Variants in TOR1AIP2 observed in about 807,000 individuals in gnomAD.
TOR1AIP2 encodes torsin 1A interacting protein 2.
Under a neutral mutation model 32.6 loss-of-function variants are expected in TOR1AIP2, and 20 were observed. The ratio of observed to expected loss-of-function variants is 0.61; its 90% CI spans 0.43 to 0.89. The LOEUF is 0.89. TOR1AIP2 is among the 40% of genes least tolerant of loss of function. The pLI, the probability that TOR1AIP2 is intolerant of heterozygous loss-of-function variation, is 0.00. For missense variants in TOR1AIP2, 456 were observed against 553.8 expected (o/e 0.82, Z 1.77); for synonymous variants, 214 against 210.8 (o/e 1.02, Z -0.13).
At chr1:179,853,755 AG>A (rs1242536681) in intron 3 of TOR1AIP2, among the ~76,000 whole-genome samples, 1 of 152,220 alleles carries the variant, frequency 6.6e-6, no homozygotes, top group Non-Finnish European at 1.5e-5. Context: ...GTGTATAGTA[AG>A]AACTCCATAT....
intron 3 of TOR1AIP2, 158 bp downstream of exon 3, chr1:179,865,278 A>T: frequency 7.1e-7 from 1 of 1,409,228 alleles, no homozygotes; most frequent in Non-Finnish European, 9.5e-7. Context: ...TTCGTTTACC[A>T]ATTTCTTAGT....
At chr1:179,871,849 TGA>T (rs1445347299) in intron 2 of TOR1AIP2, among the ~76,000 whole-genome samples, 2 of 152,220 alleles carry the variant, frequency 1.3e-5, no homozygotes, top group African/African-American at 4.8e-5. Context: ...CCTTAGATAA[TGA>T]GAGATTAAGG....
chr1:179,844,699 T>A lies in TOR1AIP2; in HGVS notation c.*1372A>T, dbSNP rs904278178. On this transcript the variant is annotated 3_prime_UTR_variant, in exon 7 of 7. Coordinates refer to ENST00000609928, the MANE Select transcript of TOR1AIP2 (RefSeq NM_001199260.2). ...CATTTCTGCTTCCTCTCACTAAGTA[T>A]AACATCTCTTAGATTTCTCTAATTT... 9 of 152,220 alleles carry A rather than the reference T, an allele frequency of 5.9e-5. No individual in the cohort carries two copies. Among genetic ancestry groups the A allele is most frequent in the Admixed American group, 2.6e-4 (4 of 15,284 alleles). 9.4% of individuals were successfully genotyped at this position (152,220 alleles called of 1,614,324 possible).
rs749304864 is a variant in TOR1AIP2, at chr1:179,840,895, A to AATAATAATAATAATAATAAT, written c.*5156_*5175dup. On this transcript the variant is annotated 3_prime_UTR_variant, in exon 7 of 7. Transcript: ENST00000609928. ...TGTATCCCAGAACTTAAACTATAAT[A>AATAATAATAATAATAATAAT]ATAATAATAATAATAATAATAAAGA... is the stretch of plus-strand genomic sequence containing the variant. The AATAATAATAATAATAATAAT allele has an allele frequency of 4.5e-5, 6 of 132,384 alleles. No individual in the cohort carries two copies. Among genetic ancestry groups the AATAATAATAATAATAATAAT allele is most frequent in the African/African-American group, 1.3e-4 (5 of 39,282 alleles). The allele number at this position is 132,384 out of a possible 1,614,324, so 8.2% of individuals were successfully genotyped here.
chr1:179,850,204 G>A (rs2148427286), intron 5 of TOR1AIP2, among the ~76,000 whole-genome samples: 1 of 151,816 alleles, frequency 6.6e-6, no homozygotes, highest in East Asian at 1.9e-4. Context: ...TTTTCCCAAG[G>A]TCTCCCAAGT....
rs1373177223 is a variant in TOR1AIP2 at position 179,846,491 on chromosome 1, A to G, written c.993T>C (p.Asp331=). The change falls in exon 7 of 7, where the codon GAT becomes GAC. Residue 331 remains aspartate, a synonymous_variant. Transcript: ENST00000609928. ...TGTCCTGCCAGGTCCTTCCAGCCCC[A>G]TCAATCTGAATGGGAGAGACTTTCT... ...SSQKVSPIQI[D]GAGRTWQDSD... is the part of the protein sequence containing the mutation. 1.2e-6 allele frequency: 2 copies of G among 1,614,138 alleles called. No homozygotes were observed. Among genetic ancestry groups the G allele is most frequent in the East Asian group, 2.2e-5 (1 of 44,882 alleles).
intron 3 of TOR1AIP2, chr1:179,861,532 C>T: frequency 1.0e-6 from 1 of 984,992 alleles, no homozygotes; most frequent in Non-Finnish European, 1.2e-6. Flanking sequence ...ATTTTTCTTG[C>T]CCATATATTC....
chr1:179,871,913 A>AT (rs1697025380), intron 2 of TOR1AIP2, among the ~76,000 whole-genome samples: 1 of 152,202 alleles, frequency 6.6e-6, no homozygotes, highest in Non-Finnish European at 1.5e-5. Flanking sequence ...ATCTAAAATA[A>AT]TTTTTTGTTG....
At chr1:179,850,378 A>G (rs1479927392) in intron 5 of TOR1AIP2, among the ~76,000 whole-genome samples, 1 of 152,240 alleles carries the variant, frequency 6.6e-6, no homozygotes, top group Non-Finnish European at 1.5e-5. Flanking sequence ...TCAAAGTCCT[A>G]TAAAACTGAA....
chr1:179,852,929 T>G, intron 3 of TOR1AIP2, 118 bp from the exon 4 acceptor site: 3 of 687,376 alleles, frequency 4.4e-6, no homozygotes, highest in Non-Finnish European at 5.8e-6. Flanking sequence ...GTGAAACTTT[T>G]TTCGTGAAGA....
chr1:179,872,151 G>A (rs767728871), intron 2 of TOR1AIP2, among the ~76,000 whole-genome samples: 3 of 152,182 alleles, frequency 2.0e-5, no homozygotes, highest in Admixed American at 1.3e-4. Flanking sequence ...ACTGACAAAC[G>A]AAACAGGTGT....
chr1:179,872,564 G>A (rs1697050181), intron 2 of TOR1AIP2, among the ~76,000 whole-genome samples: 2 of 152,150 alleles, frequency 1.3e-5, no homozygotes, highest in African/African-American at 4.8e-5. Context: ...AAAAGTACTA[G>A]CCTCGGAACA....
chr1:179,853,195 T>C (rs1191671263), intron 3 of TOR1AIP2, among the ~76,000 whole-genome samples: 1 of 152,246 alleles, frequency 6.6e-6, no homozygotes, highest in African/African-American at 2.4e-5. Flanking sequence ...CTGTCCCAGA[T>C]AATTTTCTCA....
In TOR1AIP2 at chr1:179,841,649, AT is replaced by A. The variant is rs1463246739; in HGVS notation, c.*4421del. 6.6e-6 allele frequency: 1 copy of A among 152,182 alleles called. No homozygotes were observed. Among genetic ancestry groups the A allele is most frequent in the African/African-American group, 2.4e-5 (1 of 41,454 alleles). 9.4% of individuals were successfully genotyped at this position (152,182 alleles called of 1,614,324 possible). A position where few individuals can be genotyped will look rare whatever the true frequency, so the allele number is the denominator to read the frequency against. On this transcript the variant is annotated 3_prime_UTR_variant, in exon 7 of 7. Transcript: ENST00000609928. ...AAAGAAAGTACTTCTCTGCAAGTAA[AT>A]TTTATGGATATAATCTTTATTCTGA...
intron 3 of TOR1AIP2, chr1:179,860,210 C>T (rs190599105): frequency 1.8e-5 from 18 of 985,364 alleles, no homozygotes; most frequent in East Asian, 1.1e-4. Flanking sequence ...TCGGTGGACA[C>T]GGCGGCTCAT....
rs370462599 is a variant in TOR1AIP2, at chr1:179,847,577, C to A, written c.613G>T (p.Asp205Tyr). The A allele has an allele frequency of 1.9e-6, 3 of 1,614,000 alleles. No individual in the cohort carries two copies. The highest frequency in any genetic ancestry group is 2.5e-6 in the Non-Finnish European group (3 of 1,180,010). ...KLEEIKENAQ[D>Y]TMRQINKKGF... Reference sequence around the variant, plus strand: ...TTTTTATTAATCTGTCTCATGGTGTCCTGTGCATTCTCTTTAATTTCTTCC... The same window carrying A: ...TTTTTATTAATCTGTCTCATGGTGTACTGTGCATTCTCTTTAATTTCTTCC... Residue 205 changes from aspartate to tyrosine, a missense_variant, in exon 6 of 7, where the codon GAC becomes TAC. Coordinates refer to ENST00000609928, the MANE Select transcript of TOR1AIP2 (RefSeq NM_001199260.2).
At chr1:179,864,574 C>A in intron 3 of TOR1AIP2, 1 of 1,307,090 alleles carries the variant, frequency 7.7e-7, no homozygotes, top group South Asian at 2.2e-5. Flanking sequence ...ACAGATTAGC[C>A]TCAGTCTAGA....
intron 2 of TOR1AIP2, chr1:179,875,760 G>A (rs1275666252): frequency 6.6e-6 from 1 of 151,882 alleles, no homozygotes; most frequent in Admixed American, 6.6e-5. Context: ...TTAGTAAAGA[G>A]GAAAACAGCC....
At chr1:179,847,953 A>G (rs1432763223) in intron 5 of TOR1AIP2, among the ~76,000 whole-genome samples, 1 of 151,740 alleles carries the variant, frequency 6.6e-6, no homozygotes, top group Non-Finnish European at 1.5e-5. Context: ...GAATCGCTTG[A>G]ACCTGGGAGG....
Sources: allele counts gnomAD v4.1 joint callset (sites outside exome capture counted in the v4.1 genomes callset), GRCh38; gene constraint gnomAD v4.1.1; transcripts MANE v1.5; gene names NCBI Gene and HGNC (gene_info 2026-07-23, HGNC 2026-07-21).